The following COLGALT1 variants were observed in gnomAD, a reference collection of about 807,000 sequenced individuals.
COLGALT1 encodes procollagen galactosyltransferase 1.
COLGALT1 carries 43 observed loss-of-function variants against 60.8 expected under a neutral mutation model. That is an observed-to-expected ratio of 0.71 (90% confidence interval 0.55 to 0.91). The LOEUF (loss-of-function observed/expected upper bound fraction) is 0.91. Ranked by LOEUF, COLGALT1 falls within the 40% of genes least tolerant of loss-of-function variation. The probability of loss-of-function intolerance (pLI) is 0.00; values close to 1 mark genes in which losing one functional copy is unlikely to be tolerated. For missense variants in COLGALT1, 845 were observed against 880.0 expected, an observed-to-expected ratio of 0.96 and a Z score of 0.50; for synonymous variants, 369 against 374.2, an observed-to-expected ratio of 0.99 and a Z score of 0.16.
chr19:17,579,813 A>T lies in COLGALT1; in HGVS notation c.1394+204A>T, dbSNP rs925477851. 10 of 642,798 alleles carry T rather than the reference A, an allele frequency of 1.6e-5. No individual in the cohort carries two copies. In the South Asian group the frequency reaches 2.0e-4, roughly 13 times the overall value. 39.8% of individuals were successfully genotyped at this position (642,798 alleles called of 1,614,324 possible). On this transcript the variant is annotated intron_variant, in intron 10 of 11. Transcript: ENST00000252599. ...GGGAGGCGGAGTGGAGCTGAATCCT[A>T]CGGGCGTGGCCACAGCGCTGCAGCT...
In COLGALT1 at chr19:17,577,487, G is replaced by T. The variant is rs2076351393; in HGVS notation, c.1133+20G>T. The T allele has an allele frequency of 5.7e-6, 2 of 348,042 alleles. No individual in the cohort carries two copies. Among genetic ancestry groups the T allele is most frequent in the Non-Finnish European group, 5.6e-6 (1 of 177,146 alleles). The allele number at this position is 348,042 out of a possible 1,614,324, so 21.6% of individuals were successfully genotyped here. Reference sequence around the variant, plus strand: ...CGGCAAGTGAGTCCGAGGCCTGGGGGTGGGGGGGCGGGTCCGCACGTGGAT... The same window carrying T: ...CGGCAAGTGAGTCCGAGGCCTGGGGTTGGGGGGGCGGGTCCGCACGTGGAT... On this transcript the variant is annotated intron_variant, in intron 8 of 11. Coordinates refer to ENST00000252599, the MANE Select transcript of COLGALT1 (RefSeq NM_024656.4).
At chr19:17,574,073 T>G (rs1006134010) in intron 6 of COLGALT1, among the ~76,000 whole-genome samples, 2 of 151,918 alleles carry the variant, frequency 1.3e-5, no homozygotes, top group African/African-American at 4.9e-5. Context: ...AGGGCTGAGC[T>G]GTAATTGAGG....
intron 9 of COLGALT1, among the ~76,000 whole-genome samples, chr19:17,579,155 G>A (rs1471148209): frequency 6.6e-6 from 1 of 150,470 alleles, no homozygotes; most frequent in South Asian, 2.1e-4. Context: ...GCGACAGGGC[G>A]AGACTCCGTC....
chr19:17,581,485 A>G lies in COLGALT1; in HGVS notation c.*41A>G, dbSNP rs1459338085. 1.3e-6 allele frequency: 2 copies of G among 1,581,302 alleles called. No homozygotes were observed. Among genetic ancestry groups the G allele is most frequent in the East Asian group, 4.5e-5 (2 of 44,636 alleles). The stretch of plus-strand genomic sequence containing the variant: ...AAGCCAAAGCAGCCATCGGTGGCCC[A>G]GGCTCCACGTGCTTACTGAGGACAT... On this transcript the variant is annotated 3_prime_UTR_variant, in exon 12 of 12. Transcript: ENST00000252599.
At chr19:17,574,531 T>C (rs1274197941) in intron 6 of COLGALT1, among the ~76,000 whole-genome samples, 1 of 152,088 alleles carries the variant, frequency 6.6e-6, no homozygotes, top group Non-Finnish European at 1.5e-5. Flanking sequence ...GGTTTCACCA[T>C]GTTAGCCAGG....
chr19:17,577,172 T>G (rs1599793537), intron 6 of COLGALT1, 23 bp from the exon 7 acceptor site: 11 of 1,611,520 alleles, frequency 6.8e-6, no homozygotes, highest in Non-Finnish European at 8.5e-6. Context: ...CCCCAGCGAC[T>G]CCTCAACGTC....
intron 10 of COLGALT1, chr19:17,579,861 G>A (rs914518257): frequency 3.5e-5 from 18 of 511,262 alleles, no homozygotes; most frequent in Non-Finnish European, 6.0e-5. Flanking sequence ...TGTATGTCTG[G>A]GTGTGGTCAG....
chr19:17,568,450 C>G (rs1476140633), intron 4 of COLGALT1, 59 bp from the exon 5 acceptor site: 3 of 1,420,308 alleles, frequency 2.1e-6, no homozygotes, highest in Non-Finnish European at 3.0e-6. Flanking sequence ...CCCACTATCA[C>G]GGGTCTCCAT....
At chr19:17,576,218 G>A (rs1040554636) in intron 6 of COLGALT1, among the ~76,000 whole-genome samples, 2 of 152,188 alleles carry the variant, frequency 1.3e-5, no homozygotes, top group Admixed American at 6.5e-5. Flanking sequence ...ACAGGGCCAG[G>A]GGGTTAGGGC....
Position 17,568,610 on chromosome 19 carries a change from G to A in COLGALT1, c.726G>A (p.Leu242=). The A allele has an allele frequency of 6.2e-7, 1 of 1,614,188 alleles. No homozygotes were observed. Among genetic ancestry groups the A allele is most frequent in the South Asian group, 1.1e-5 (1 of 91,086 alleles). Residue 242 remains leucine, a synonymous_variant, in exon 5 of 12, where the codon CTG becomes CTA. Coordinates refer to ENST00000252599, the MANE Select transcript of COLGALT1 (RefSeq NM_024656.4). ...TGCACTCGACCTTCCTGATCGACCT[G>A]CGGAAGGCGGCGTCCAGGAACCTGG... The part of the protein sequence containing the change: ...PMVHSTFLID[L]RKAASRNLAF...
At chr19:17,559,624 C>G (rs1170755714) in intron 2 of COLGALT1, among the ~76,000 whole-genome samples, 1 of 152,112 alleles carries the variant, frequency 6.6e-6, no homozygotes, top group African/African-American at 2.4e-5. Context: ...CAAGCCGTTC[C>G]CTGTACCTAG....
rs1169057417 is a variant in COLGALT1, at chr19:17,559,067, A to G, written c.261-244A>G. On this transcript the variant is annotated intron_variant, in intron 1 of 11. Coordinates refer to ENST00000252599, the MANE Select transcript of COLGALT1 (RefSeq NM_024656.4). ...TCCCAGCTACTTGGGAGGCTGAGAC[A>G]GGAGAAGGCGTGAACCCGGGAGGCG... Among the ~76,000 whole-genome samples the G allele has an allele frequency of 1.3e-5, 2 of 151,998 alleles. 1 individual carries two copies. Among genetic ancestry groups the G allele is most frequent in the Non-Finnish European group, 2.9e-5 (2 of 68,000 alleles).
At chr19:17,560,310 T>A (rs201143925) in intron 2 of COLGALT1, 38 bp from the exon 3 acceptor site, 1 of 1,562,334 alleles carries the variant, frequency 6.4e-7, no homozygotes, top group East Asian at 2.2e-5. Flanking sequence ...GCTTTGATAG[T>A]GCCTTGTGAT....
Position 17,567,550 on chromosome 19 carries a change from G to A in COLGALT1, c.624+10G>A, listed in dbSNP as rs1341794674. ...TGGAATGACTTCCCAGGTAGAGTGA[G>A]GGCCTGGGGACTGTGGGGACTGGGC... On this transcript the variant is annotated intron_variant, in intron 4 of 11. Coordinates refer to ENST00000252599, the MANE Select transcript of COLGALT1 (RefSeq NM_024656.4). The A allele has an allele frequency of 6.2e-7, 1 of 1,610,956 alleles. No individual in the cohort carries two copies. Among genetic ancestry groups the A allele is most frequent in the Non-Finnish European group, 8.5e-7 (1 of 1,178,592 alleles).
At chr19:17,577,097 C>T in intron 6 of COLGALT1, 98 bp from the exon 7 acceptor site, 1 of 1,231,376 alleles carries the variant, frequency 8.1e-7, no homozygotes, top group South Asian at 1.3e-5. Context: ...TGGGCCGAGC[C>T]AGTCTGACTG....
At chr19:17,580,488 C>A (rs1769531187) in intron 10 of COLGALT1, 1 of 595,094 alleles carries the variant, frequency 1.7e-6, no homozygotes, top group South Asian at 2.0e-5. Context: ...CTCCATGGCT[C>A]CCTCACGCCC....
At chr19:17,570,719 C>A (rs2076307703) in intron 5 of COLGALT1, among the ~76,000 whole-genome samples, 1 of 152,054 alleles carries the variant, frequency 6.6e-6, no homozygotes, top group Admixed American at 6.6e-5. Context: ...GTGTGCACCA[C>A]CACGCCTGGC....
In COLGALT1 at chr19:17,559,029, C is replaced by T. The variant is rs141746149; in HGVS notation, c.261-282C>T. ...CAAAAAAATTAGCCGGGTGTGGTGG[C>T]GGGCGCCTGTAGTCCCAGCTACTTG... On this transcript the variant is annotated intron_variant, in intron 1 of 11. Transcript: ENST00000252599. 5.9e-3 allele frequency among the ~76,000 whole-genome samples: 896 copies of T among 151,622 alleles called. 11 individuals are homozygous for T. Among genetic ancestry groups the T allele is most frequent in the African/African-American group, 0.02 (838 of 41,424 alleles).
chr19:17,573,584 G>C (rs955864665), intron 6 of COLGALT1, among the ~76,000 whole-genome samples: 7 of 152,100 alleles, frequency 4.6e-5, no homozygotes, highest in Admixed American at 4.6e-4. Context: ...CTGTATTCTA[G>C]CTACTCAGGA....
Sources: gnomAD v4.1 joint callset for allele counts (sites outside exome capture counted in the v4.1 genomes callset) on GRCh38, gnomAD v4.1.1 for gene constraint, MANE v1.5 for transcripts, NCBI Gene and HGNC (gene_info 2026-07-23, HGNC 2026-07-21) for gene names.